DOCK4: variants seen among roughly 807,000 people sequenced by gnomAD.
DOCK4 encodes dedicator of cytokinesis 4.
In DOCK4, 97 loss-of-function variants were observed where a neutral mutation model predicts 268.1. The ratio of observed to expected loss-of-function variants is 0.36; its 90% CI spans 0.31 to 0.43. The LOEUF is 0.43. DOCK4 is among the 20% of genes least tolerant of loss of function. DOCK4 has a pLI of 1.00. For synonymous variants in DOCK4, 954 were observed against 887.2 expected, an observed-to-expected ratio of 1.08 and a Z score of -1.34; for missense variants, 2,145 against 2,455.7, an observed-to-expected ratio of 0.87 and a Z score of 2.67.
chr7:111,948,437 T>C (rs544791264), intron 8 of DOCK4, among the ~76,000 whole-genome samples: 1 of 152,312 alleles, frequency 6.6e-6, no homozygotes, highest in Non-Finnish European at 1.5e-5. Context: ...ATCATTTGCC[T>C]GACCCACTCA....
At chr7:111,977,880 G>A (rs1424768184) in intron 7 of DOCK4, among the ~76,000 whole-genome samples, 1 of 152,192 alleles carries the variant, frequency 6.6e-6, no homozygotes. Flanking sequence ...AAGCCAGCAA[G>A]GTGTCTAAAG....
intron 1 of DOCK4, among the ~76,000 whole-genome samples, chr7:112,030,666 A>G (rs1293597660): frequency 1.3e-5 from 2 of 152,128 alleles, no homozygotes; most frequent in African/African-American, 4.8e-5. Context: ...ATCTTTTGGG[A>G]CTTTGAGCTC....
At chr7:112,063,729 T>C (rs1010872889) in intron 1 of DOCK4, among the ~76,000 whole-genome samples, 2 of 152,314 alleles carry the variant, frequency 1.3e-5, no homozygotes, top group African/African-American at 4.8e-5. Context: ...TCTTCCAATT[T>C]AGGGTCTTTG....
At chr7:111,836,452 T>C (rs932493081) in intron 25 of DOCK4, among the ~76,000 whole-genome samples, 8 of 151,684 alleles carry the variant, frequency 5.3e-5, no homozygotes, top group Non-Finnish European at 5.9e-5. Flanking sequence ...CTGTCAACAA[T>C]GTAAAATTCA....
At chr7:111,953,847 A>G (rs1215806688) in intron 8 of DOCK4, 1 of 152,194 alleles carries the variant, frequency 6.6e-6, no homozygotes, top group Non-Finnish European at 1.5e-5. Context: ...ATGGCACCAG[A>G]GGTATCCCTA....
At chr7:111,786,035 G>A (rs986206722) in intron 32 of DOCK4, among the ~76,000 whole-genome samples, 2 of 152,144 alleles carry the variant, frequency 1.3e-5, no homozygotes, top group Non-Finnish European at 1.5e-5. Flanking sequence ...TATAACACCT[G>A]TGTCTGTGCA....
intron 16 of DOCK4, among the ~76,000 whole-genome samples, chr7:111,893,924 T>A (rs1808499122): frequency 6.6e-6 from 1 of 152,046 alleles, no homozygotes; most frequent in African/African-American, 2.4e-5. Context: ...TCTATAAAAA[T>A]AGAAAATACC....
chr7:111,863,456 T>C lies in DOCK4; in HGVS notation c.2389A>G (p.Ile797Val). 6.2e-7 allele frequency: 1 copy of C among 1,614,058 alleles called. No individual in the cohort carries two copies. Among genetic ancestry groups the C allele is most frequent in the Middle Eastern group, 1.6e-4 (1 of 6,062 alleles). Residue 797 changes from isoleucine to valine, a missense_variant, in exon 23 of 53, where the codon ATC becomes GTC. By Grantham distance (29) the Ile-to-Val change is conservative. Transcript: ENST00000428084. ...VQDTLGSLPT[I>V]LHVDDSLQAI... is the part of the protein sequence containing the mutation. ...TGCAGGGAATCATCCACATGCAGGA[T>C]GGTCGGCAGACTGCCCAGGGTGTCC...
intron 1 of DOCK4, among the ~76,000 whole-genome samples, chr7:112,197,415 A>T (rs1820548719): frequency 6.6e-6 from 1 of 152,040 alleles, no homozygotes; most frequent in African/African-American, 2.4e-5. Flanking sequence ...TTGTTCATTG[A>T]AATATTATTC....
chr7:112,003,107 G>A (rs1365629017), intron 2 of DOCK4, among the ~76,000 whole-genome samples: 3 of 151,828 alleles, frequency 2.0e-5, no homozygotes, highest in Admixed American at 6.6e-5. Flanking sequence ...AAAGCTGGGT[G>A]CAGTGGCTTA....
intron 25 of DOCK4, among the ~76,000 whole-genome samples, chr7:111,842,373 C>T (rs1234494483): frequency 6.6e-6 from 1 of 152,202 alleles, no homozygotes. Flanking sequence ...AACCTTATTT[C>T]TCCAGCCAAA....
intron 1 of DOCK4, among the ~76,000 whole-genome samples, chr7:112,184,350 C>T (rs895016057): frequency 2.0e-5 from 3 of 152,150 alleles, no homozygotes; most frequent in African/African-American, 2.4e-5. Flanking sequence ...ACGCACCCCT[C>T]TGTATGATCT....
intron 1 of DOCK4, among the ~76,000 whole-genome samples, chr7:112,116,602 AAG>A (rs1381962064): frequency 6.6e-6 from 1 of 152,230 alleles, no homozygotes; most frequent in Admixed American, 6.5e-5. Context: ...TAACTACAGA[AAG>A]AGTGAGCTCT....
At chr7:111,995,223 G>A (rs539108807) in intron 4 of DOCK4, among the ~76,000 whole-genome samples, 3 of 151,928 alleles carry the variant, frequency 2.0e-5, no homozygotes, top group Admixed American at 6.6e-5. Context: ...AGTAGAGACA[G>A]GGTTTTACCG....
In DOCK4 at chr7:111,895,641, C is replaced by G. The variant is rs1808684981; in HGVS notation, c.1558G>C (p.Asp520His). 1.2e-6 allele frequency: 2 copies of G among 1,613,950 alleles called. No homozygotes were observed. Among genetic ancestry groups the G allele is most frequent in the East Asian group, 4.5e-5 (2 of 44,872 alleles). Residue 520 changes from aspartate (D) to histidine (H), a missense_variant, in exon 16 of 53, where the codon GAT (aspartate) becomes CAT (histidine). By Grantham distance (81) the Asp-to-His change is moderately conservative. Coordinates refer to ENST00000428084, the MANE Select transcript of DOCK4 (RefSeq NM_001363540.2). ...LMQEDGRTLP[D>H]GTHELIVHKC... ...TGCACGATGAGCTCATGAGTGCCAT[C>G]TGGAAGAGTCCTACCATCTTCTTGC...
At chr7:112,049,766 T>C (rs949593458) in intron 1 of DOCK4, among the ~76,000 whole-genome samples, 3 of 152,156 alleles carry the variant, frequency 2.0e-5, no homozygotes, top group Non-Finnish European at 4.4e-5. Flanking sequence ...ACAAAGATTA[T>C]TGCACAATGA....
intron 1 of DOCK4, among the ~76,000 whole-genome samples, chr7:112,110,488 G>C (rs917493495): frequency 7.2e-5 from 11 of 152,190 alleles, no homozygotes; most frequent in African/African-American, 2.4e-4. Flanking sequence ...TATTACCCCT[G>C]CATCAGTGCC....
chr7:112,092,910 C>T (rs1247139169), intron 1 of DOCK4, among the ~76,000 whole-genome samples: 1 of 151,984 alleles, frequency 6.6e-6, no homozygotes, highest in Non-Finnish European at 1.5e-5. Context: ...TCTCAGTGGG[C>T]GTTTGGGAGA....
intron 1 of DOCK4, chr7:112,023,583 CT>C (rs1306220243): frequency 2.5e-5 from 11 of 438,438 alleles, no homozygotes; most frequent in Admixed American, 5.3e-5. Flanking sequence ...GGTTATTAGC[CT>C]TTCTACTATT....
Sources: gnomAD v4.1 joint callset for allele counts (sites outside exome capture counted in the v4.1 genomes callset) on GRCh38, gnomAD v4.1.1 for gene constraint, MANE v1.5 for transcripts, NCBI Gene and HGNC (gene_info 2026-07-23, HGNC 2026-07-21) for gene names.